SLC37A1: variants seen among roughly 807,000 people sequenced by gnomAD.
SLC37A1 encodes the protein solute carrier family 37 member 1.
In SLC37A1, 49 loss-of-function variants were observed where a neutral mutation model predicts 75.3. The ratio of observed to expected loss-of-function variants is 0.65; its 90% confidence interval spans 0.52 to 0.83. The LOEUF is 0.83. Ranked by LOEUF, SLC37A1 falls within the 40% of genes least tolerant of loss-of-function variation. The pLI is 0.00. For missense variants in SLC37A1, 566 were observed against 695.0 expected (o/e 0.81, Z 2.09); for synonymous variants, 268 against 292.1 (o/e 0.92, Z 0.84).
chr21:42,578,328 C>G (rs966894117), intron 18 of SLC37A1, among the ~76,000 whole-genome samples: 3 of 152,340 alleles, frequency 2.0e-5, no homozygotes, highest in African/African-American at 7.2e-5. Flanking sequence ...GAGCCAAACA[C>G]GTGGGCATGT....
In SLC37A1 at chr21:42,562,146, G is replaced by A; in HGVS notation, c.1050G>A (p.Leu350=). ...KLVSYTFLFW[L]PLYITNVDHL... is the part of the protein sequence containing the mutation. ...TCAGCTATACTTTCCTCTTCTGGCT[G>A]CCCCTGTACATCACGAATGTGGGTG... The change falls in exon 12 of 20, where the codon CTG becomes CTA. Residue 350 remains leucine, a synonymous_variant. Transcript: ENST00000352133. 2 of 1,614,180 alleles carry A rather than the reference G, an allele frequency of 1.2e-6. No homozygotes were observed. The highest frequency in any genetic ancestry group is 1.7e-6 in the Non-Finnish European group (2 of 1,180,020).
rs1213360774 is a variant in SLC37A1 at position 42,545,258 on chromosome 21, CTT to C, written c.730+1658_730+1659del. ...TACCAGAACCTCCTGCCCAGGGAAT[CTT>C]TCTGACACTCTTTCCCCTTGTGCCT... On this transcript the variant is annotated intron_variant, in intron 8 of 19. Coordinates refer to ENST00000352133, the MANE Select transcript of SLC37A1 (RefSeq NM_001320537.2). The surrounding 1 kb of genome is among the most constrained non-coding windows in gnomAD (Gnocchi z 4.0). Among the ~76,000 whole-genome samples the C allele has an allele frequency of 6.6e-6, 1 of 151,692 alleles. No homozygotes were observed. Among genetic ancestry groups the C allele is most frequent in the Non-Finnish European group, 1.5e-5 (1 of 67,878 alleles).
intron 2 of SLC37A1, among the ~76,000 whole-genome samples, chr21:42,523,148 G>A (rs369333190): frequency 6.6e-6 from 1 of 152,254 alleles, no homozygotes; most frequent in African/African-American, 2.4e-5. Context: ...CTAGCTGGGT[G>A]ATAACACCTG....
intron 11 of SLC37A1, among the ~76,000 whole-genome samples, chr21:42,559,541 G>C (rs968724544): frequency 1.3e-5 from 2 of 152,220 alleles, no homozygotes; most frequent in Non-Finnish European, 2.9e-5. Flanking sequence ...TGAGTGCTGC[G>C]CCGTGGCCTT....
intron 3 of SLC37A1, among the ~76,000 whole-genome samples, chr21:42,531,724 G>GCATTGTCT (rs11281238): frequency 0.11 from 16,011 of 152,076 alleles, 1,015 homozygotes; most frequent in African/African-American, 0.18. Flanking sequence ...AATTAAGTTT[G>GCATTGTCT]CATTGTCTCT....
rs138328488 is a variant in SLC37A1, at chr21:42,577,621, AAG to A, written c.1522-2111_1522-2110del. ...ATACAGGGAAATGAAGACTTAATCT[AAG>A]AGAACCTAGGGTCAGGGGAAGCATA... On this transcript the variant is annotated intron_variant, in intron 18 of 19. Transcript: ENST00000352133. Among the ~76,000 whole-genome samples, 539 of 152,340 alleles carry A rather than the reference AAG, an allele frequency of 3.5e-3. 1 individual carries two copies. Among genetic ancestry groups the A allele is most frequent in the African/African-American group, 0.012 (501 of 41,582 alleles).
At position 42,518,519 on chromosome 21, in the gene SLC37A1, T is replaced by TG; in HGVS notation, c.56+11dup. Reference sequence around the variant, plus strand: ...TTCTCCAGGGATCAGTGGTGAGTCCTGGTGGGGCAGGCCCTTGGCATGGAG... The same window carrying TG: ...TTCTCCAGGGATCAGTGGTGAGTCCTGGGTGGGGCAGGCCCTTGGCATGGAG... On this transcript the variant is annotated intron_variant, in intron 2 of 19. Coordinates refer to ENST00000352133, the MANE Select transcript of SLC37A1 (RefSeq NM_001320537.2). 1 of 1,614,150 alleles carries TG rather than the reference T, an allele frequency of 6.2e-7. No individual in the cohort carries two copies. The highest frequency in any genetic ancestry group is 8.5e-7 in the Non-Finnish European group (1 of 1,179,994).
At chr21:42,557,276 C>A (rs943266920) in intron 10 of SLC37A1, among the ~76,000 whole-genome samples, 1 of 152,248 alleles carries the variant, frequency 6.6e-6, no homozygotes, top group Non-Finnish European at 1.5e-5. Context: ...TCGCCTGGGG[C>A]TGCCCCAGGG....
chr21:42,572,348 T>C (rs1050282456), intron 17 of SLC37A1, among the ~76,000 whole-genome samples: 19 of 152,240 alleles, frequency 1.2e-4, no homozygotes, highest in African/African-American at 3.6e-4. Context: ...TTTAGGGGAA[T>C]TGGGCCCCTG....
intron 3 of SLC37A1, among the ~76,000 whole-genome samples, chr21:42,533,196 C>G (rs1045564412): frequency 1.3e-5 from 2 of 152,192 alleles, no homozygotes; most frequent in Admixed American, 6.5e-5. Flanking sequence ...GTGCACTGCC[C>G]TCCAGACCCC....
intron 12 of SLC37A1, 129 bp from the exon 13 acceptor site, chr21:42,563,686 A>G: frequency 1.3e-6 from 1 of 746,212 alleles, no homozygotes. Flanking sequence ...TTAACTACTA[A>G]TTGCTCCTCG....
Position 42,562,174 on chromosome 21 carries a change from T to C in SLC37A1, c.1072+6T>C. On this transcript the variant is annotated splice_donor_region_variant and intron_variant, in intron 12 of 19. Coordinates refer to ENST00000352133, the MANE Select transcript of SLC37A1 (RefSeq NM_001320537.2). ...CCTGTACATCACGAATGTGGGTGAG[T>C]ATCCACGCTAGAACACATTAAATTC... is the stretch of plus-strand genomic sequence containing the variant. 3 of 1,612,780 alleles carry C rather than the reference T, an allele frequency of 1.9e-6. No homozygotes were observed. Among genetic ancestry groups the C allele is most frequent in the East Asian group, 2.2e-5 (1 of 44,874 alleles).
chr21:42,551,458 G>C (rs797022064), intron 9 of SLC37A1, among the ~76,000 whole-genome samples: 2 of 152,196 alleles, frequency 1.3e-5, no homozygotes, highest in Non-Finnish European at 2.9e-5. Flanking sequence ...GGGAAGAAAG[G>C]GGGGATGACT....
chr21:42,515,491 C>T (rs2054507310), intron 1 of SLC37A1, among the ~76,000 whole-genome samples: 1 of 152,140 alleles, frequency 6.6e-6, no homozygotes, highest in Non-Finnish European at 1.5e-5. Context: ...CTTCCTATCC[C>T]CATTATTTGA....
intron 2 of SLC37A1, among the ~76,000 whole-genome samples, chr21:42,523,672 C>T (rs960296636): frequency 2.0e-5 from 3 of 152,306 alleles, no homozygotes; most frequent in Non-Finnish European, 2.9e-5. Context: ...CGCTTTTTTC[C>T]CATTTGGCCC....
In SLC37A1 at chr21:42,580,683, G is replaced by A. The variant is rs868495526; in HGVS notation, c.*323G>A. The A allele has an allele frequency of 5.9e-6, 2 of 339,690 alleles. No individual in the cohort carries two copies. The highest frequency in any genetic ancestry group is 3.2e-5 in the South Asian group (1 of 30,912). The allele number at this position is 339,690 out of a possible 1,614,324, so 21.0% of individuals were successfully genotyped here. On this transcript the variant is annotated 3_prime_UTR_variant, in exon 20 of 20. Coordinates refer to ENST00000352133, the MANE Select transcript of SLC37A1 (RefSeq NM_001320537.2). ...CGCGTGACAACAAGGCCGGGAGGGTGGGGGGGGTGCACAGGTAGCCCCGAC... is the reference window on the plus strand; with the variant it reads ...CGCGTGACAACAAGGCCGGGAGGGTAGGGGGGGTGCACAGGTAGCCCCGAC...
chr21:42,535,413 C>G, intron 4 of SLC37A1, 59 bp from the exon 5 acceptor site: 4 of 1,433,674 alleles, frequency 2.8e-6, no homozygotes, highest in Non-Finnish European at 3.9e-6. Context: ...TATAGCCGTG[C>G]TCTAGAACAT....
chr21:42,542,333 G>A, intron 6 of SLC37A1, 71 bp from the exon 7 acceptor site: 1 of 1,404,334 alleles, frequency 7.1e-7, no homozygotes, highest in Non-Finnish European at 9.9e-7. Context: ...AGCAAGCTCT[G>A]TGCACCTCCC....
At chr21:42,538,429 T>C (rs1184518627) in intron 5 of SLC37A1, among the ~76,000 whole-genome samples, 1 of 152,184 alleles carries the variant, frequency 6.6e-6, no homozygotes, top group Non-Finnish European at 1.5e-5. Context: ...CTCTCTGGCG[T>C]AGGTTTTTGA....
Sources: gnomAD v4.1 joint callset for allele counts (sites outside exome capture counted in the v4.1 genomes callset) on GRCh38, gnomAD v4.1.1 for gene constraint, Gnocchi (gnomAD v3.1) non-coding constraint, MANE v1.5 for transcripts, NCBI Gene and HGNC (gene_info 2026-07-23, HGNC 2026-07-21) for gene names.